The following ARHGAP24 variants were observed in gnomAD, a reference collection of about 807,000 sequenced individuals.
ARHGAP24 encodes Rho GTPase activating protein 24, also known as rho GTPase-activating protein 24.
Under a neutral mutation model 76.4 loss-of-function variants are expected in ARHGAP24, and 50 were observed. That is an observed-to-expected ratio of 0.65 (90% CI 0.52 to 0.83). ARHGAP24 has a LOEUF of 0.83. Ranked by LOEUF, ARHGAP24 falls within the 40% of genes least tolerant of loss-of-function variation. The pLI is 0.00. For synonymous variants in ARHGAP24, 345 were observed against 323.3 expected (o/e 1.07, Z -0.72); for missense variants, 930 against 914.2 (o/e 1.02, Z -0.22).
intron 9 of ARHGAP24, among the ~76,000 whole-genome samples, chr4:85,997,758 C>T (rs149448978): frequency 4.2e-4 from 64 of 152,084 alleles, no homozygotes; most frequent in African/African-American, 1.4e-3. Context: ...CAAGTTGAAG[C>T]GATTCTCCTG....
chr4:85,896,939 C>T (rs1465830838), intron 3 of ARHGAP24, among the ~76,000 whole-genome samples: 1 of 152,136 alleles, frequency 6.6e-6, no homozygotes, highest in Non-Finnish European at 1.5e-5. Flanking sequence ...CTCTGACAAA[C>T]ATGGAGTTTG....
chr4:85,772,118 C>G (rs746871431), intron 3 of ARHGAP24, among the ~76,000 whole-genome samples: 3 of 152,140 alleles, frequency 2.0e-5, no homozygotes, highest in African/African-American at 4.8e-5. Flanking sequence ...AGCAATGTGT[C>G]CAAATTGTGT....
At chr4:85,906,727 T>A (rs1221028407) in intron 3 of ARHGAP24, among the ~76,000 whole-genome samples, 2 of 152,142 alleles carry the variant, frequency 1.3e-5, no homozygotes, top group Non-Finnish European at 2.9e-5. Context: ...TTTTAAATAA[T>A]CATAAGTTTG....
At chr4:85,540,207 T>A (rs1306911640) in intron 1 of ARHGAP24, among the ~76,000 whole-genome samples, 1 of 152,050 alleles carries the variant, frequency 6.6e-6, no homozygotes, top group Non-Finnish European at 1.5e-5. Context: ...AAAATAAAAA[T>A]TTTTTATGGC....
chr4:85,508,986 G>A (rs1560513594), intron 1 of ARHGAP24, among the ~76,000 whole-genome samples: 1 of 151,962 alleles, frequency 6.6e-6, no homozygotes, highest in Admixed American at 6.6e-5. Flanking sequence ...CCCTCAGTCT[G>A]TTTCTGCATA....
intron 2 of ARHGAP24, among the ~76,000 whole-genome samples, chr4:85,668,162 T>G (rs1722705730): frequency 6.6e-6 from 1 of 152,210 alleles, no homozygotes; most frequent in Non-Finnish European, 1.5e-5. Context: ...GAGTTCCTTA[T>G]TAAACTACAC....
intron 3 of ARHGAP24, among the ~76,000 whole-genome samples, chr4:85,819,389 T>C (rs1170301133): frequency 1.3e-5 from 2 of 152,120 alleles, no homozygotes; most frequent in Admixed American, 6.5e-5. Flanking sequence ...AGGAAAGTGA[T>C]TTACCCAAGG....
At chr4:85,635,778 A>G (rs1217527249) in intron 2 of ARHGAP24, among the ~76,000 whole-genome samples, 2 of 151,920 alleles carry the variant, frequency 1.3e-5, no homozygotes, top group Non-Finnish European at 2.9e-5. Flanking sequence ...GTTTCTTTTC[A>G]TAGGTACCAA....
intron 2 of ARHGAP24, among the ~76,000 whole-genome samples, chr4:85,602,718 T>C (rs1720074631): frequency 6.6e-6 from 1 of 152,192 alleles, no homozygotes; most frequent in African/African-American, 2.4e-5. Flanking sequence ...CATACTTAAT[T>C]CTCAGTGGTT....
intron 2 of ARHGAP24, among the ~76,000 whole-genome samples, chr4:85,593,966 A>AT (rs1439648642): frequency 1.3e-5 from 2 of 151,166 alleles, no homozygotes; most frequent in African/African-American, 2.4e-5. Flanking sequence ...AAATTTGGGG[A>AT]TTTTTTTTCT....
At chr4:85,978,328 T>C (rs898825246) in intron 8 of ARHGAP24, among the ~76,000 whole-genome samples, 3 of 152,214 alleles carry the variant, frequency 2.0e-5, no homozygotes, top group Non-Finnish European at 4.4e-5. Flanking sequence ...TATTTTTAGA[T>C]TCACTCTAGG....
chr4:85,956,477 A>T (rs1440118977), intron 5 of ARHGAP24, among the ~76,000 whole-genome samples: 20 of 152,164 alleles, frequency 1.3e-4, no homozygotes, highest in Non-Finnish European at 1.5e-5. Flanking sequence ...GTGGCGGGCC[A>T]CTTTGAAGAT....
intron 2 of ARHGAP24, 102 bp from the exon 3 acceptor site, chr4:85,721,783 A>G (rs1042177083): frequency 2.9e-5 from 29 of 984,710 alleles, no homozygotes; most frequent in Non-Finnish European, 4.3e-5. Context: ...ATCTTACTGT[A>G]TACTGGGTTA....
chr4:85,747,620 G>T (rs1354802623), intron 3 of ARHGAP24, among the ~76,000 whole-genome samples: 4 of 152,050 alleles, frequency 2.6e-5, no homozygotes, highest in African/African-American at 9.7e-5. Flanking sequence ...GGAGAATGGC[G>T]TGAACCCGGG....
intron 3 of ARHGAP24, among the ~76,000 whole-genome samples, chr4:85,786,655 C>T (rs1480521897): frequency 1.3e-5 from 2 of 152,124 alleles, no homozygotes. Flanking sequence ...TATGAACACA[C>T]ACACACAGAG....
chr4:85,506,377 T>G (rs1483097917), intron 1 of ARHGAP24, among the ~76,000 whole-genome samples: 1 of 152,212 alleles, frequency 6.6e-6, no homozygotes, highest in Non-Finnish European at 1.5e-5. Context: ...CAGTATACCT[T>G]GCTGAGCTGT....
chr4:85,883,266 T>C (rs916309828), intron 3 of ARHGAP24, among the ~76,000 whole-genome samples: 9 of 152,170 alleles, frequency 5.9e-5, no homozygotes, highest in African/African-American at 2.2e-4. Flanking sequence ...GGGCTTGTGA[T>C]CAGGGTTTGT....
chr4:85,562,060 C>T (rs1183741359), intron 1 of ARHGAP24, among the ~76,000 whole-genome samples: 2 of 152,000 alleles, frequency 1.3e-5, no homozygotes, highest in Non-Finnish European at 2.9e-5. Flanking sequence ...GGGAAGTGTT[C>T]AAGGAAAGGT....
intron 1 of ARHGAP24, among the ~76,000 whole-genome samples, chr4:85,557,444 G>A (rs1037111815): frequency 2.6e-5 from 4 of 152,220 alleles, no homozygotes; most frequent in African/African-American, 9.6e-5. Context: ...AGGGGAGTTT[G>A]CGGGGATTTC....
Sources: gnomAD v4.1 joint callset for allele counts (sites outside exome capture counted in the v4.1 genomes callset) on GRCh38, gnomAD v4.1.1 for gene constraint, MANE v1.5 for transcripts, NCBI Gene and HGNC (gene_info 2026-07-23, HGNC 2026-07-21) for gene names.